Variants in OGFOD1 observed in about 807,000 individuals in gnomAD.
OGFOD1 encodes 2-oxoglutarate and iron dependent oxygenase domain containing 1, also known as prolyl 3-hydroxylase OGFOD1.
In OGFOD1, 54 loss-of-function variants were observed where a neutral mutation model predicts 67.7. That is an observed-to-expected ratio of 0.80 (90% CI 0.64 to 1.00). The LOEUF is 1.00. Among genes scored for constraint, OGFOD1 ranks in the 50% least tolerant of loss-of-function variants. The pLI is 0.00. For synonymous variants in OGFOD1, 221 were observed against 227.0 expected, an observed-to-expected ratio of 0.97 and a Z score of 0.24; for missense variants, 606 against 646.7, an observed-to-expected ratio of 0.94 and a Z score of 0.68.
Position 56,466,784 on chromosome 16 carries a change from T to C in OGFOD1, c.566-92T>C, listed in dbSNP as rs534865610. On this transcript the variant is annotated intron_variant, in intron 5 of 12. Coordinates refer to ENST00000566157, the MANE Select transcript of OGFOD1 (RefSeq NM_018233.4). ...TCAGGGTCTGAAGGGCACATCTAGATGCCCTCAGAAGTTTGGAAATTGTCA... is the reference window on the plus strand; with the variant it reads ...TCAGGGTCTGAAGGGCACATCTAGACGCCCTCAGAAGTTTGGAAATTGTCA... 55 of 892,828 alleles carry C rather than the reference T, an allele frequency of 6.2e-5. 1 individual carries two copies. In the African/African-American group the frequency reaches 8.1e-4, roughly 13 times the overall value. 55.3% of individuals were successfully genotyped at this position (892,828 alleles called of 1,614,324 possible). A position where few individuals can be genotyped will look rare whatever the true frequency, so the allele number is the denominator to read the frequency against.
chr16:56,474,316 A>AC (rs2144054002), intron 10 of OGFOD1, among the ~76,000 whole-genome samples: 2 of 146,474 alleles, frequency 1.4e-5, no homozygotes, highest in East Asian at 4.0e-4. Flanking sequence ...TCAAAATTCA[A>AC]CTTTTTTTTT....
rs1963049100 is a variant in OGFOD1 at position 56,469,448 on chromosome 16, C to T, written c.901-555C>T. 2.6e-5 allele frequency among the ~76,000 whole-genome samples: 4 copies of T among 152,128 alleles called. 1 individual carries two copies. The South Asian group carries it at 8.3e-4, about 32-fold the overall frequency. On this transcript the variant is annotated intron_variant, in intron 8 of 12. Transcript: ENST00000566157. ...CAGATTGACGTAAGGTATATAACTA[C>T]TTAAGAGAATGAGCCACAATGGCAC... is the stretch of plus-strand genomic sequence containing the variant.
At chr16:56,473,814 T>C (rs1005864246) in intron 10 of OGFOD1, among the ~76,000 whole-genome samples, 11 of 147,196 alleles carry the variant, frequency 7.5e-5, no homozygotes, top group African/African-American at 2.2e-4. Context: ...ATTAACCTTC[T>C]TTTTTTTTTT....
At chr16:56,468,814 G>C (rs1963017889) in intron 8 of OGFOD1, among the ~76,000 whole-genome samples, 1 of 151,940 alleles carries the variant, frequency 6.6e-6, no homozygotes, top group Admixed American at 6.6e-5. Context: ...AAATCACTCT[G>C]GGTATTTATT....
At chr16:56,475,048 C>A in intron 11 of OGFOD1, 98 bp downstream of exon 11, 1 of 1,308,070 alleles carries the variant, frequency 7.6e-7, no homozygotes, top group Non-Finnish European at 1.1e-6. Flanking sequence ...AAGTAATTTG[C>A]CTAGTTCAGA....
At chr16:56,468,143 T>C (rs1222532503) in intron 8 of OGFOD1, 125 bp downstream of exon 8, 3 of 614,850 alleles carry the variant, frequency 4.9e-6, no homozygotes, top group East Asian at 5.5e-5. Flanking sequence ...TGTCATTCCC[T>C]TCTTCAAGTG....
At chr16:56,473,973 A>G (rs1596989766) in intron 10 of OGFOD1, among the ~76,000 whole-genome samples, 2 of 151,996 alleles carry the variant, frequency 1.3e-5, no homozygotes, top group African/African-American at 4.8e-5. Flanking sequence ...TGCTCAGCTA[A>G]TATTTTCGTA....
Position 56,472,667 on chromosome 16 carries a change from T to C in OGFOD1, c.1285+1876T>C, listed in dbSNP as rs559637770. On this transcript the variant is annotated intron_variant, in intron 10 of 12. Coordinates refer to ENST00000566157, the MANE Select transcript of OGFOD1 (RefSeq NM_018233.4). The stretch of plus-strand genomic sequence containing the variant: ...AAAAAGGAAAATAATAATCTACAAG[T>C]GGCCATATTAGCATTTGGAATATAT... Among the ~76,000 whole-genome samples, 62 of 152,336 alleles carry C rather than the reference T, an allele frequency of 4.1e-4. 1 individual carries two copies. The highest frequency in any genetic ancestry group is 1.5e-3 in the African/African-American group (62 of 41,582).
intron 1 of OGFOD1, 132 bp downstream of exon 1, chr16:56,451,898 C>T: frequency 1.0e-6 from 1 of 957,464 alleles, no homozygotes; most frequent in Non-Finnish European, 1.5e-6. Context: ...TTGGCCACCT[C>T]CTACTCTCCT....
Position 56,458,600 on chromosome 16 carries a change from CAAGT to C in OGFOD1, c.347+9_347+12del, listed in dbSNP as rs766885189. 15 of 1,610,202 alleles carry C rather than the reference CAAGT, an allele frequency of 9.3e-6. No homozygotes were observed. In the African/African-American group the frequency reaches 2.0e-4, roughly 22 times the overall value. ...CCTCACATCTCCACTTTAAGGTAAA[CAAGT>C]AATCATATTTGTTGGGTGCTAATAT... On this transcript the variant is annotated splice_region_variant and intron_variant, in intron 3 of 12. Transcript: ENST00000566157.
intron 4 of OGFOD1, among the ~76,000 whole-genome samples, chr16:56,463,167 T>C (rs1348436783): frequency 2.6e-4 from 39 of 152,156 alleles, no homozygotes; most frequent in Admixed American, 2.6e-3. Flanking sequence ...TTTCTGAGCA[T>C]ATAAATGGTT....
intron 10 of OGFOD1, among the ~76,000 whole-genome samples, chr16:56,472,364 T>C (rs1249773576): frequency 6.6e-6 from 1 of 152,200 alleles, no homozygotes; most frequent in Non-Finnish European, 1.5e-5. Flanking sequence ...AGATGCTTTA[T>C]TCCATTGTTG....
At chr16:56,474,780 C>CT (rs745331107) in intron 10 of OGFOD1, 48 bp from the exon 11 acceptor site, 9 of 1,519,780 alleles carry the variant, frequency 5.9e-6, no homozygotes, top group African/African-American at 1.4e-5. Context: ...TCCAACAGTT[C>CT]TATCAAGGTT....
chr16:56,452,867 G>A (rs1443425325), intron 1 of OGFOD1, among the ~76,000 whole-genome samples: 1 of 152,006 alleles, frequency 6.6e-6, no homozygotes, highest in Non-Finnish European at 1.5e-5. Flanking sequence ...CAGTAACTTG[G>A]GAAAAGCAAA....
intron 2 of OGFOD1, chr16:56,458,266 A>G: frequency 2.5e-6 from 1 of 400,400 alleles, no homozygotes; most frequent in Non-Finnish European, 4.6e-6. Flanking sequence ...CTTTATACTA[A>G]TCTGCTTTTT....
intron 3 of OGFOD1, among the ~76,000 whole-genome samples, chr16:56,461,298 A>C (rs1320218563): frequency 6.6e-6 from 1 of 152,038 alleles, no homozygotes; most frequent in African/African-American, 2.4e-5. Context: ...TCCATCAAAA[A>C]CCCTAACCAA....
intron 8 of OGFOD1, 86 bp from the exon 9 acceptor site, chr16:56,469,917 T>C (rs1963080305): frequency 9.9e-7 from 1 of 1,008,852 alleles, no homozygotes; most frequent in Admixed American, 1.9e-5. Flanking sequence ...GCCAGATTGA[T>C]GTTTGGCAGA....
chr16:56,475,958 T>G, intron 12 of OGFOD1, 86 bp from the exon 13 acceptor site: 1 of 1,241,622 alleles, frequency 8.1e-7, no homozygotes, highest in Non-Finnish European at 1.1e-6. Context: ...GTGCTTGATA[T>G]GGAAACCATC....
chr16:56,474,654 G>A (rs1482646637), intron 10 of OGFOD1, among the ~76,000 whole-genome samples, 174 bp from the exon 11 acceptor site: 5 of 152,060 alleles, frequency 3.3e-5, no homozygotes, highest in Admixed American at 1.3e-4. Context: ...AATAGAGCTG[G>A]TAATTCCTAA....
Sources: gnomAD v4.1 joint callset for allele counts (sites outside exome capture counted in the v4.1 genomes callset) on GRCh38, gnomAD v4.1.1 for gene constraint, MANE v1.5 for transcripts, NCBI Gene and HGNC (gene_info 2026-07-23, HGNC 2026-07-21) for gene names.